MFSD8: variants seen among roughly 807,000 people sequenced by gnomAD.
MFSD8 encodes the protein major facilitator superfamily domain containing 8, also known as major facilitator superfamily domain-containing protein 8.
A neutral mutation model predicts 66.4 loss-of-function variants in MFSD8; 55 were observed. That is an observed-to-expected ratio of 0.83 (90% CI 0.67 to 1.04). The LOEUF is 1.04. MFSD8 is among the 50% of genes least tolerant of loss of function. MFSD8 has a pLI of 0.00. For synonymous variants in MFSD8, 202 were observed against 212.8 expected (o/e 0.95, Z 0.44); for missense variants, 550 against 627.6 (o/e 0.88, Z 1.32).
intron 9 of MFSD8, 157 bp downstream of exon 9, chr4:127,930,526 G>A (rs1302212447): frequency 1.3e-6 from 1 of 796,012 alleles, no homozygotes. Context: ...AAGAAATGCT[G>A]TAATGTATAG....
chr4:127,965,210 T>A (rs796052739), upstream of MFSD8: 33 of 1,577,346 alleles, frequency 2.1e-5, no homozygotes, highest in Non-Finnish European at 1.7e-6. Context: ...GGCGTGAAGC[T>A]GGCAAAACAA....
At chr4:127,943,640 T>A in intron 4 of MFSD8, 112 bp downstream of exon 4, 2 of 1,290,380 alleles carry the variant, frequency 1.5e-6, no homozygotes, top group Non-Finnish European at 2.2e-6. Context: ...GAAACATGTA[T>A]GTTGAACTGT....
rs181941949 is a variant in MFSD8 at position 127,918,308 on chromosome 4, T to C, written c.*2322A>G. 10 of 152,298 alleles carry C rather than the reference T, an allele frequency of 6.6e-5. No homozygotes were observed. In the East Asian group the frequency reaches 1.9e-3, roughly 29 times the overall value. 9.4% of individuals were successfully genotyped at this position (152,298 alleles called of 1,614,324 possible). A position where few individuals can be genotyped will look rare whatever the true frequency, so the allele number is the denominator to read the frequency against. ...TCTCCTTGCTCTTTTCCCAATCCCA[T>C]GTTACTTCCTTTCGCCTTCTTTTGT... On this transcript the variant is annotated 3_prime_UTR_variant, in exon 12 of 12. Transcript: ENST00000641686.
intron 2 of MFSD8, among the ~76,000 whole-genome samples, chr4:127,954,171 GT>G (rs1372137197): frequency 6.6e-6 from 1 of 152,124 alleles, no homozygotes; most frequent in Non-Finnish European, 1.5e-5. Flanking sequence ...ATTTTGAAAA[GT>G]TTTCCTCATG....
At chr4:127,926,246 C>T (rs572928157) in intron 9 of MFSD8, among the ~76,000 whole-genome samples, 1 of 36,474 alleles carries the variant, frequency 2.7e-5, no homozygotes, top group Non-Finnish European at 5.8e-5. Flanking sequence ...TGTGGTGGCT[C>T]ACGCCTGTAA....
chr4:127,921,869 G>C lies in MFSD8; in HGVS notation c.1093C>G (p.Gln365Glu), dbSNP rs904329013. Residue 365 changes from glutamine to glutamate, a missense_variant, in exon 10 of 12, where the codon CAG becomes GAG. Physicochemically the swap from Gln to Glu is conservative, Grantham distance 29 (BLOSUM62 2). Coordinates refer to ENST00000641686, the MANE Select transcript of MFSD8 (RefSeq NM_001371596.2). The stretch of plus-strand genomic sequence containing the variant: ...TTATGTATGGCTATACCTTCCCACT[G>C]TATTTTGGGAAATTGATTTCCCCAA... ...LPWGNQFPKIQWEDLHNNSIP... is the reference protein window; with the variant it reads ...LPWGNQFPKIEWEDLHNNSIP... 1.9e-6 allele frequency: 3 copies of C among 1,613,942 alleles called. No homozygotes were observed.
intron 4 of MFSD8, among the ~76,000 whole-genome samples, chr4:127,942,665 G>GAA (rs200813472): frequency 9.3e-6 from 1 of 107,592 alleles, no homozygotes; most frequent in African/African-American, 3.5e-5. Flanking sequence ...GGGCAACAGT[G>GAA]AAAAAAAAAA....
intron 8 of MFSD8, 134 bp from the exon 9 acceptor site, chr4:127,930,951 A>C (rs1479732995): frequency 1.2e-6 from 1 of 827,008 alleles, no homozygotes; most frequent in East Asian, 2.9e-5. Flanking sequence ...AACAGACCTA[A>C]GCAAAAGTTT....
chr4:127,961,820 C>CAAAA (rs4000711), intron 1 of MFSD8, among the ~76,000 whole-genome samples: 1,599 of 80,154 alleles, frequency 0.02, 63 homozygotes, highest in African/African-American at 0.088. Flanking sequence ...GACTCCGTCT[C>CAAAA]AAAAAAAAAA....
chr4:127,922,158 A>G (rs931464334), intron 9 of MFSD8, among the ~76,000 whole-genome samples, 195 bp from the exon 10 acceptor site: 1 of 152,226 alleles, frequency 6.6e-6, no homozygotes, highest in South Asian at 2.1e-4. Context: ...GGTCTGGGAC[A>G]CAAAAAGTAG....
In MFSD8 at chr4:127,949,814, T is replaced by C. The variant is rs895135118; in HGVS notation, c.188A>G (p.Tyr63Cys). The C allele has an allele frequency of 1.2e-6, 2 of 1,612,144 alleles. No individual in the cohort carries two copies. The highest frequency in any genetic ancestry group is 1.7e-6 in the Non-Finnish European group (2 of 1,178,948). The change falls in exon 3 of 12, where the codon TAT becomes TGT. Residue 63 changes from tyrosine (Y) to cysteine (C), a missense_variant. By Grantham distance (194) the Tyr-to-Cys change is radical. Coordinates refer to ENST00000641686, the MANE Select transcript of MFSD8 (RefSeq NM_001371596.2). ...FSVVMMSIWP[Y>C]LQKIDPTADT... ...TTGAAATGTACAAACCTTTTGGAGA[T>C]ATGGCCATATGGACATCATCACTAC...
chr4:127,954,398 C>G, intron 2 of MFSD8, among the ~76,000 whole-genome samples: 1 of 152,092 alleles, frequency 6.6e-6, no homozygotes, highest in Admixed American at 6.6e-5. Context: ...GGTGGACTAC[C>G]TGAGGTCAGG....
chr4:127,923,547 T>TTTTATTTATTTA (rs199806940), intron 9 of MFSD8, among the ~76,000 whole-genome samples: 5 of 133,252 alleles, frequency 3.8e-5, no homozygotes, highest in African/African-American at 1.5e-4. Flanking sequence ...TATTTTTTAT[T>TTTTATTTATTTA]TTTATTTATT....
intron 1 of MFSD8, among the ~76,000 whole-genome samples, chr4:127,960,738 C>T (rs1043204813): frequency 6.6e-6 from 1 of 152,062 alleles, no homozygotes; most frequent in Non-Finnish European, 1.5e-5. Flanking sequence ...GGATCAGTAA[C>T]GTGAGCTACA....
Position 127,920,461 on chromosome 4 carries a change from C to A in MFSD8, c.*169G>T. 1.4e-6 allele frequency: 1 copy of A among 696,912 alleles called. No homozygotes were observed. The highest frequency in any genetic ancestry group is 2.7e-5 in the East Asian group (1 of 37,252). The allele number at this position is 696,912 out of a possible 1,614,324, so 43.2% of individuals were successfully genotyped here. ...GTATGTTTTTATATAACCTACTATT[C>A]ACAATGACATGTAGAATTCTCTCTG... On this transcript the variant is annotated 3_prime_UTR_variant, in exon 12 of 12. Transcript: ENST00000641686.
rs557342242 is a variant in MFSD8 at position 127,948,931 on chromosome 4, G to A, written c.198+873C>T. Among the ~76,000 whole-genome samples the A allele has an allele frequency of 2.6e-5, 4 of 152,258 alleles. No individual in the cohort carries two copies. The East Asian group carries it at 5.8e-4, about 22-fold the overall frequency. On this transcript the variant is annotated intron_variant, in intron 3 of 11. Coordinates refer to ENST00000641686, the MANE Select transcript of MFSD8 (RefSeq NM_001371596.2). Reference sequence around the variant, plus strand: ...TTTTTAAAATAAATTATCTGGTTTAGGGTATTCTGTTATAAGCAACAGAAA... The same window carrying A: ...TTTTTAAAATAAATTATCTGGTTTAAGGTATTCTGTTATAAGCAACAGAAA...
chr4:127,946,675 A>AGAGGCTGAGGTG (rs1198621210), intron 3 of MFSD8, among the ~76,000 whole-genome samples: 63 of 152,172 alleles, frequency 4.1e-4, no homozygotes, highest in South Asian at 1.9e-3. Flanking sequence ...CAGCACTTTG[A>AGAGGCTGAGGTG]GAGGCTGAGG....
At chr4:127,958,191 T>G (rs985678654) in intron 1 of MFSD8, among the ~76,000 whole-genome samples, 1 of 152,150 alleles carries the variant, frequency 6.6e-6, no homozygotes, top group Admixed American at 6.6e-5. Context: ...TCCCCAGACT[T>G]AAGTGATCTT....
At chr4:127,940,921 T>C (rs1740084911) in intron 5 of MFSD8, among the ~76,000 whole-genome samples, 1 of 152,158 alleles carries the variant, frequency 6.6e-6, no homozygotes, top group Non-Finnish European at 1.5e-5. Context: ...TTAGTGCTTG[T>C]TGAGGGCTTA....
Sources: gnomAD v4.1 joint callset for allele counts (sites outside exome capture counted in the v4.1 genomes callset) on GRCh38, gnomAD v4.1.1 for gene constraint, MANE v1.5 for transcripts, NCBI Gene and HGNC (gene_info 2026-07-23, HGNC 2026-07-21) for gene names.